Variants in TUBAL3 observed in about 807,000 individuals in gnomAD.
The protein encoded by TUBAL3 is tubulin alpha like 3, also known as tubulin alpha chain-like 3.
Under a neutral mutation model 15.5 loss-of-function variants are expected in TUBAL3, and 16 were observed. The observed-to-expected ratio is 1.04, with a 90% CI of 0.70 to 1.57. TUBAL3 has a LOEUF of 1.57. Ranked by LOEUF, TUBAL3 falls within the 40% of genes most tolerant of loss-of-function variation. The pLI, the probability that TUBAL3 is intolerant of heterozygous loss-of-function variation, is 0.00. For missense variants in TUBAL3, 609 were observed against 576.2 expected (o/e 1.06, Z -0.58); for synonymous variants, 238 against 224.3 (o/e 1.06, Z -0.55).
chr10:5,403,877 G>C (rs1460038098), intron 1 of TUBAL3, among the ~76,000 whole-genome samples: 1 of 152,168 alleles, frequency 6.6e-6, no homozygotes, highest in African/African-American at 2.4e-5. Context: ...TGAATTACTA[G>C]AAAAGCATAA....
At chr10:5,401,939 T>G (rs1028794706) in intron 1 of TUBAL3, among the ~76,000 whole-genome samples, 1 of 152,120 alleles carries the variant, frequency 6.6e-6, no homozygotes, top group Non-Finnish European at 1.5e-5. Flanking sequence ...TAAAGGATGT[T>G]ACATCAACAC....
At chr10:5,403,995 C>T (rs8181389) in intron 1 of TUBAL3, among the ~76,000 whole-genome samples, 102,712 of 152,096 alleles carry the variant, frequency 0.68, 34,946 homozygotes, top group Admixed American at 0.73. Context: ...GCAGTGGAAA[C>T]ATCTTGCAAG....
Position 5,395,254 on chromosome 10 carries a change from G to T in TUBAL3, c.396+73C>A. On this transcript the variant is annotated intron_variant, in intron 3 of 3. Transcript: ENST00000380419. The surrounding 1 kb of genome is among the most constrained non-coding windows in gnomAD (Gnocchi z 4.6). ...GGTGGCGATGGTGACAGCAGATAATGCTTGTGAGTTCTGCCGCAGGACCCC... is the reference window on the plus strand; with the variant it reads ...GGTGGCGATGGTGACAGCAGATAATTCTTGTGAGTTCTGCCGCAGGACCCC... 1.5e-6 allele frequency: 2 copies of T among 1,379,158 alleles called. No homozygotes were observed. Among genetic ancestry groups the T allele is most frequent in the Non-Finnish European group, 1.9e-6 (2 of 1,046,680 alleles). The allele number at this position is 1,379,158 out of a possible 1,614,324, so 85.4% of individuals were successfully genotyped here.
intron 1 of TUBAL3, among the ~76,000 whole-genome samples, chr10:5,401,969 C>G (rs1393098392): frequency 3.3e-5 from 5 of 151,896 alleles, no homozygotes; most frequent in African/African-American, 9.7e-5. Context: ...TTATGCAACC[C>G]TTAAACGTTT....
intron 1 of TUBAL3, 91 bp downstream of exon 1, chr10:5,404,699 C>T (rs1484911410): frequency 7.4e-7 from 1 of 1,351,562 alleles, no homozygotes; most frequent in Non-Finnish European, 1.0e-6. Context: ...TCTTGCATTA[C>T]AATTTTATTA....
In TUBAL3 at chr10:5,395,451, C is replaced by T. The variant is rs141364432; in HGVS notation, c.272G>A (p.Arg91His). The T allele has an allele frequency of 2.4e-5, 38 of 1,572,278 alleles. No homozygotes were observed. The highest frequency in any genetic ancestry group is 5.8e-5 in the South Asian group (5 of 86,538). ...VIDGIRTGQH[R>H]SLFHPEQLLS... is the part of the protein sequence containing the mutation. ...GAGCTGCTCGGGGTGGAAGAGTGAACGGTGCTGGCCCGTCCGGATCCCATC... is the reference window on the plus strand; with the variant it reads ...GAGCTGCTCGGGGTGGAAGAGTGAATGGTGCTGGCCCGTCCGGATCCCATC... Residue 91 changes from arginine to histidine, a missense_variant, in exon 3 of 4, where the codon CGT becomes CAT. Coordinates refer to ENST00000380419, the MANE Select transcript of TUBAL3 (RefSeq NM_024803.3). This position sits in a 1 kb window ranked among gnomAD's most constrained non-coding sequence, Gnocchi z 4.6.
chr10:5,399,245 C>T (rs1295303173), intron 2 of TUBAL3, among the ~76,000 whole-genome samples: 1 of 152,224 alleles, frequency 6.6e-6, no homozygotes, highest in Non-Finnish European at 1.5e-5. Flanking sequence ...ACAATAGCTG[C>T]TGTGGACTAA....
Position 5,394,751 on chromosome 10 carries a change from T to C in TUBAL3, c.397-290A>G, listed in dbSNP as rs1408408204. ...TATGTGATCGCAAACAAGGCCTTCA[T>C]CAATAACAAAGAAAATGACAAAACA... On this transcript the variant is annotated intron_variant, in intron 3 of 3. Coordinates refer to ENST00000380419, the MANE Select transcript of TUBAL3 (RefSeq NM_024803.3). The surrounding 1 kb of genome is among the most constrained non-coding windows in gnomAD (Gnocchi z 4.3). 6.6e-6 allele frequency among the ~76,000 whole-genome samples: 1 copy of C among 152,152 alleles called. No individual in the cohort carries two copies. Among genetic ancestry groups the C allele is most frequent in the East Asian group, 1.9e-4 (1 of 5,192 alleles).
At chr10:5,400,300 A>G (rs1831829806) in intron 2 of TUBAL3, among the ~76,000 whole-genome samples, 1 of 152,126 alleles carries the variant, frequency 6.6e-6, no homozygotes, top group East Asian at 1.9e-4. Context: ...GTGTGGATCA[A>G]TTAGCAGGTC....
At chr10:5,399,534 T>G (rs1406032678) in intron 2 of TUBAL3, among the ~76,000 whole-genome samples, 1 of 152,200 alleles carries the variant, frequency 6.6e-6, no homozygotes, top group Non-Finnish European at 1.5e-5. Flanking sequence ...AATCAACAAC[T>G]GTTGTCTAAG....
Position 5,394,105 on chromosome 10 carries a change from A to C in TUBAL3, c.753T>G (p.Phe251Leu), listed in dbSNP as rs1025640290. 1 of 1,614,098 alleles carries C rather than the reference A, an allele frequency of 6.2e-7. No homozygotes were observed. The highest frequency in any genetic ancestry group is 8.5e-7 in the Non-Finnish European group (1 of 1,180,046). ...VVSSITASLRFEGPLNVDLIE... is the reference protein window; with the variant it reads ...VVSSITASLRLEGPLNVDLIE... ...TTAGGTCTACATTCAAGGGCCCTTCAAACCGGAGGGAGGCAGTGATGGAAG... is the reference window on the plus strand; with the variant it reads ...TTAGGTCTACATTCAAGGGCCCTTCCAACCGGAGGGAGGCAGTGATGGAAG... The change falls in exon 4 of 4, where the codon TTT becomes TTG. Residue 251 changes from phenylalanine to leucine, a missense_variant. Physicochemically the swap from Phe to Leu is conservative, Grantham distance 22. Coordinates refer to ENST00000380419, the MANE Select transcript of TUBAL3 (RefSeq NM_024803.3). This position sits in a 1 kb window ranked among gnomAD's most constrained non-coding sequence, Gnocchi z 4.3.
intron 1 of TUBAL3, among the ~76,000 whole-genome samples, chr10:5,401,744 C>A: frequency 6.6e-6 from 1 of 151,642 alleles, no homozygotes; most frequent in Admixed American, 6.6e-5. Context: ...TATACATCAA[C>A]TTTCTAAAAA....
In TUBAL3 at chr10:5,394,984, A is replaced by C. The variant is rs1210728700; in HGVS notation, c.396+343T>G. ...AGTGCCTCTTGCTAACTTCATAAAC[A>C]TCAGTTACTCTTGGAAAATGACAGG... On this transcript the variant is annotated intron_variant, in intron 3 of 3. Coordinates refer to ENST00000380419, the MANE Select transcript of TUBAL3 (RefSeq NM_024803.3). This position sits in a 1 kb window ranked among gnomAD's most constrained non-coding sequence, Gnocchi z 4.3. Among the ~76,000 whole-genome samples the C allele has an allele frequency of 6.6e-6, 1 of 152,162 alleles. No homozygotes were observed. The highest frequency in any genetic ancestry group is 2.4e-5 in the African/African-American group (1 of 41,436).
At position 5,396,975 on chromosome 10, in the gene TUBAL3, G is replaced by A. The variant is rs775077980; in HGVS notation, c.248-1500C>T. Among the ~76,000 whole-genome samples, 23 of 152,160 alleles carry A rather than the reference G, an allele frequency of 1.5e-4. No homozygotes were observed. The highest frequency in any genetic ancestry group is 2.8e-4 in the Non-Finnish European group (19 of 68,034). ...TCAATGATTTTAGCTCATAAATAAG[G>A]ATTATAACAAGATCTACCCCATTGA... On this transcript the variant is annotated intron_variant, in intron 2 of 3. Transcript: ENST00000380419. The surrounding 1 kb of genome is among the most constrained non-coding windows in gnomAD (Gnocchi z 5.1).
At position 5,393,793 on chromosome 10, in the gene TUBAL3, T is replaced by G. The variant is rs1831714598; in HGVS notation, c.1065A>C (p.Pro355=). 1 of 1,614,218 alleles carries G rather than the reference T, an allele frequency of 6.2e-7. No homozygotes were observed. Among genetic ancestry groups the G allele is most frequent in the Non-Finnish European group, 8.5e-7 (1 of 1,180,042 alleles). Residue 355 remains proline (P), a synonymous_variant, in exon 4 of 4, where the codon CCA becomes CCC. Coordinates refer to ENST00000380419, the MANE Select transcript of TUBAL3 (RefSeq NM_024803.3). ...RHSVQFVDWC[P]TGFKVGINNR... The stretch of plus-strand genomic sequence containing the variant: ...TGTTGATGCCCACCTTGAAACCAGT[T>G]GGACACCAATCTACAAACTGAACAG...
At chr10:5,403,186 A>G (rs1554814784) in intron 1 of TUBAL3, among the ~76,000 whole-genome samples, 1 of 152,020 alleles carries the variant, frequency 6.6e-6, no homozygotes, top group African/African-American at 2.4e-5. Context: ...CTAATATTCC[A>G]CCTCTCAAGA....
Position 5,393,697 on chromosome 10 carries a change from G to A in TUBAL3, c.1161C>T (p.Asn387=). The change falls in exon 4 of 4, where the codon AAC becomes AAT. Residue 387 remains asparagine (N), a synonymous_variant. Transcript: ENST00000380419. ...KVHRSICMLS[N]TTAIVEAWAR... ...CCCAGGCCTCCACAATCGCCGTGGT[G>A]TTGCTCAGCATGCAGATGGACCGGT... 6.2e-7 allele frequency: 1 copy of A among 1,614,244 alleles called. No individual in the cohort carries two copies. The highest frequency in any genetic ancestry group is 2.2e-5 in the East Asian group (1 of 44,892).
At chr10:5,399,096 C>A (rs1368659325) in intron 2 of TUBAL3, among the ~76,000 whole-genome samples, 2 of 152,152 alleles carry the variant, frequency 1.3e-5, no homozygotes, top group African/African-American at 4.8e-5. Flanking sequence ...TCTAATAACT[C>A]AGTGATCTTA....
chr10:5,399,718 C>G (rs1554814471), intron 2 of TUBAL3, among the ~76,000 whole-genome samples: 1 of 152,192 alleles, frequency 6.6e-6, no homozygotes, highest in African/African-American at 2.4e-5. Context: ...GTCAGCCTCT[C>G]CTTTTCTCCA....
Sources: allele counts gnomAD v4.1 joint callset (sites outside exome capture counted in the v4.1 genomes callset), GRCh38; gene constraint gnomAD v4.1.1; non-coding constraint Gnocchi (gnomAD v3.1); transcripts MANE v1.5; gene names NCBI Gene and HGNC (gene_info 2026-07-23, HGNC 2026-07-21).